The following COPS3 variants were observed in gnomAD, a reference collection of about 807,000 sequenced individuals.
COPS3 encodes the protein COP9 signalosome subunit 3.
COPS3 carries 10 observed loss-of-function variants against 58.2 expected under a neutral mutation model. The ratio of observed to expected loss-of-function variants is 0.17; its 90% CI spans 0.11 to 0.29. COPS3 has a LOEUF of 0.29. Among genes scored for constraint, COPS3 ranks in the 10% least tolerant of loss-of-function variants. COPS3 has a pLI of 1.00. For synonymous variants in COPS3, 187 were observed against 181.7 expected, an observed-to-expected ratio of 1.03 and a Z score of -0.24; for missense variants, 333 against 510.1, an observed-to-expected ratio of 0.65 and a Z score of 3.34.
At chr17:17,253,310 G>A (rs937932406) in intron 9 of COPS3, among the ~76,000 whole-genome samples, 1 of 152,134 alleles carries the variant, frequency 6.6e-6, no homozygotes, top group Non-Finnish European at 1.5e-5. Context: ...CTGAGCTAAG[G>A]ACACAGGTTT....
chr17:17,267,327 CAAAAAA>C (rs778325363), intron 5 of COPS3, among the ~76,000 whole-genome samples: 5 of 50,376 alleles, frequency 9.9e-5, no homozygotes, highest in African/African-American at 4.2e-4. Flanking sequence ...GACTCCGTCT[CAAAAAA>C]AAAAAAAAAA....
chr17:17,270,646 A>T, intron 4 of COPS3, 112 bp downstream of exon 4: 1 of 940,902 alleles, frequency 1.1e-6, no homozygotes. Context: ...GTGACCACAG[A>T]TATCTAGGTG....
At chr17:17,272,307 C>A (rs953047334) in intron 2 of COPS3, among the ~76,000 whole-genome samples, 2 of 152,098 alleles carry the variant, frequency 1.3e-5, no homozygotes, top group Non-Finnish European at 2.9e-5. Flanking sequence ...CCTGTAATCC[C>A]ACCTATTTGG....
intron 5 of COPS3, among the ~76,000 whole-genome samples, chr17:17,265,523 C>T (rs542291767): frequency 3.3e-5 from 5 of 151,918 alleles, no homozygotes; most frequent in Non-Finnish European, 7.4e-5. Context: ...ATTAGCCTCC[C>T]GAGTAGCTGG....
intron 6 of COPS3, 57 bp downstream of exon 6, chr17:17,264,745 G>A (rs1479013017): frequency 1.4e-6 from 2 of 1,479,524 alleles, no homozygotes; most frequent in African/African-American, 1.4e-5. Context: ...ACCTATGGGA[G>A]CACTTTTTTG....
chr17:17,274,617 G>T (rs531650605), intron 2 of COPS3, among the ~76,000 whole-genome samples: 2 of 151,890 alleles, frequency 1.3e-5, no homozygotes, highest in Non-Finnish European at 2.9e-5. Flanking sequence ...TAGAGACAGG[G>T]TCTCACTATG....
At chr17:17,272,034 C>T (rs113763577) in intron 2 of COPS3, among the ~76,000 whole-genome samples, 1 of 151,626 alleles carries the variant, frequency 6.6e-6, no homozygotes, top group South Asian at 2.1e-4. Context: ...GTAATCCCAG[C>T]ACTACGGAAG....
At chr17:17,268,851 A>AAAAT (rs1425933617) in intron 4 of COPS3, among the ~76,000 whole-genome samples, 86 of 149,062 alleles carry the variant, frequency 5.8e-4, no homozygotes, top group African/African-American at 2.0e-3. Flanking sequence ...CAACAACAAA[A>AAAAT]ATATATATAT....
intron 2 of COPS3, among the ~76,000 whole-genome samples, chr17:17,271,247 T>C (rs760780764): frequency 6.6e-6 from 1 of 151,888 alleles, no homozygotes; most frequent in African/African-American, 2.4e-5. Flanking sequence ...CTGAGCAACA[T>C]GGTGAGACCC....
chr17:17,280,457 G>C, intron 1 of COPS3: 5 of 813,270 alleles, frequency 6.1e-6, no homozygotes, highest in Non-Finnish European at 8.1e-6. Context: ...CTACTCGGGA[G>C]GCTGAGACAG....
At chr17:17,248,609 A>G (rs570353119) in intron 10 of COPS3, among the ~76,000 whole-genome samples, 1 of 151,990 alleles carries the variant, frequency 6.6e-6, no homozygotes, top group African/African-American at 2.4e-5. Context: ...GAGCCACCAC[A>G]CCCAGCCTGG....
At chr17:17,257,689 C>CG (rs2048006690) in intron 8 of COPS3, among the ~76,000 whole-genome samples, 1 of 149,564 alleles carries the variant, frequency 6.7e-6, no homozygotes, top group South Asian at 2.1e-4. Flanking sequence ...CCCAGCTACT[C>CG]GGGAGGCTGA....
At chr17:17,258,958 TCTC>T (rs2048036206) in intron 8 of COPS3, among the ~76,000 whole-genome samples, 1 of 152,050 alleles carries the variant, frequency 6.6e-6, no homozygotes, top group Non-Finnish European at 1.5e-5. Flanking sequence ...CCATTGACCC[TCTC>T]CTCACCTTCC....
intron 9 of COPS3, among the ~76,000 whole-genome samples, chr17:17,250,447 C>T (rs1172190616): frequency 6.6e-6 from 1 of 151,418 alleles, no homozygotes; most frequent in Non-Finnish European, 1.5e-5. Context: ...GTAGAGATGA[C>T]GTTTTGCCAT....
At chr17:17,277,415 GTTTGT>G (rs765848096) in intron 1 of COPS3, among the ~76,000 whole-genome samples, 7 of 152,098 alleles carry the variant, frequency 4.6e-5, no homozygotes, top group Non-Finnish European at 2.9e-5. Flanking sequence ...GCAATACTAT[GTTTGT>G]TTTGTTTTGT....
At chr17:17,280,535 C>A in intron 1 of COPS3, 4 of 1,249,766 alleles carry the variant, frequency 3.2e-6, no homozygotes, top group Middle Eastern at 2.8e-4. Flanking sequence ...ACTCCAGCCT[C>A]GGCTAAAAAA....
At chr17:17,274,599 A>G (rs1414521791) in intron 2 of COPS3, among the ~76,000 whole-genome samples, 1 of 151,484 alleles carries the variant, frequency 6.6e-6, no homozygotes, top group Non-Finnish European at 1.5e-5. Flanking sequence ...TAATTTTTGT[A>G]TTTTTAGTAG....
At chr17:17,280,719 G>T (rs3853545) in intron 1 of COPS3, 590,912 of 1,254,770 alleles carry the variant, frequency 0.47, 145,684 homozygotes, top group East Asian at 0.61. Context: ...CGCTCCCGGC[G>T]GCCTAGTCAG....
rs145127535 is a variant in COPS3, at chr17:17,270,835, T to C, written c.299-28A>G. On this transcript the variant is annotated intron_variant, in intron 3 of 11. Coordinates refer to ENST00000268717, the MANE Select transcript of COPS3 (RefSeq NM_003653.4). ...AGATACAATAACAAAATATTCAAAA[T>C]ATAAATATAACCACAAGGGCAAAAT... is the stretch of plus-strand genomic sequence containing the variant. 3,366 of 1,602,096 alleles carry C rather than the reference T, an allele frequency of 2.1e-3. 6 individuals carry two copies. Among genetic ancestry groups the C allele is most frequent in the Non-Finnish European group, 2.7e-3 (3,133 of 1,173,700 alleles).
Sources: gnomAD v4.1 joint callset for allele counts (sites outside exome capture counted in the v4.1 genomes callset) on GRCh38, gnomAD v4.1.1 for gene constraint, MANE v1.5 for transcripts, NCBI Gene and HGNC (gene_info 2026-07-23, HGNC 2026-07-21) for gene names.